GNA12: variants seen among roughly 807,000 people sequenced by gnomAD.
GNA12 encodes G protein subunit alpha 12.
In GNA12, 9 loss-of-function variants were observed where a neutral mutation model predicts 26.0. That is an observed-to-expected ratio of 0.35 (90% CI 0.21 to 0.60). The LOEUF (loss-of-function observed/expected upper bound fraction) is 0.60, where lower values mean the gene tolerates loss of function less well. Ranked by LOEUF, GNA12 falls within the 20% of genes least tolerant of loss-of-function variation. The probability of loss-of-function intolerance (pLI) is 0.78; values close to 1 mark genes in which losing one functional copy is unlikely to be tolerated. For missense variants in GNA12, 405 were observed against 525.8 expected (o/e 0.77, Z 2.25); for synonymous variants, 264 against 219.6 (o/e 1.20, Z -1.79).
chr7:2,812,162 T>C (rs1000144046), intron 1 of GNA12, among the ~76,000 whole-genome samples: 16 of 152,230 alleles, frequency 1.1e-4, no homozygotes, highest in Non-Finnish European at 5.9e-5. Context: ...TGTTACTAAT[T>C]CCATGAAAAA....
At chr7:2,833,225 C>T (rs1302737425) in intron 1 of GNA12, among the ~76,000 whole-genome samples, 4 of 152,186 alleles carry the variant, frequency 2.6e-5, no homozygotes, top group African/African-American at 9.7e-5. Flanking sequence ...GATGGCACTG[C>T]CCTTCAGGTG....
At chr7:2,818,279 C>T (rs1036292877) in intron 1 of GNA12, among the ~76,000 whole-genome samples, 3 of 152,158 alleles carry the variant, frequency 2.0e-5, no homozygotes, top group Admixed American at 6.5e-5. Flanking sequence ...TTTGGAGCGC[C>T]TCACACACTG....
intron 2 of GNA12, among the ~76,000 whole-genome samples, chr7:2,779,001 C>A (rs148949512): frequency 3.9e-5 from 6 of 152,246 alleles, no homozygotes; most frequent in African/African-American, 1.4e-4. Context: ...AATACATAAA[C>A]TTTATGGGAG....
chr7:2,742,287 A>C (rs1009311886), intron 2 of GNA12, among the ~76,000 whole-genome samples: 1 of 152,060 alleles, frequency 6.6e-6, no homozygotes, highest in African/African-American at 2.4e-5. Flanking sequence ...AAGTGCTGGG[A>C]TTACAGGTGT....
intron 1 of GNA12, among the ~76,000 whole-genome samples, chr7:2,838,501 T>C (rs1237096737): frequency 6.6e-6 from 1 of 152,120 alleles, no homozygotes; most frequent in Non-Finnish European, 1.5e-5. Context: ...GGAGGATGGT[T>C]TGGGTCCAGG....
intron 1 of GNA12, among the ~76,000 whole-genome samples, chr7:2,818,953 C>T (rs968688652): frequency 2.6e-5 from 4 of 152,102 alleles, no homozygotes; most frequent in Non-Finnish European, 5.9e-5. Flanking sequence ...CTAAAGATGG[C>T]CGGGGGTATT....
chr7:2,842,082 C>CGGGAA (rs1779006955), intron 1 of GNA12, among the ~76,000 whole-genome samples: 1 of 71,792 alleles, frequency 1.4e-5, no homozygotes, highest in African/African-American at 4.7e-5. Flanking sequence ...AAAAGGAAGG[C>CGGGAA]GGGAAGGAAA....
At chr7:2,758,075 A>G (rs1318024690) in intron 2 of GNA12, among the ~76,000 whole-genome samples, 5 of 152,338 alleles carry the variant, frequency 3.3e-5, no homozygotes, top group Middle Eastern at 3.4e-3. Context: ...CAAAACCAAC[A>G]GGATGAGTCA....
chr7:2,766,037 C>T lies in GNA12; in HGVS notation c.525+28891G>A, dbSNP rs551675134. On this transcript the variant is annotated intron_variant, in intron 2 of 3. Coordinates refer to ENST00000275364, the MANE Select transcript of GNA12 (RefSeq NM_007353.3). ...AAATGCACAGTTCAGTGGTGTTAAG[C>T]ATATTAACGTTGTTGTGAAACCGAT... Among the ~76,000 whole-genome samples, 25 of 152,310 alleles carry T rather than the reference C, an allele frequency of 1.6e-4. No individual in the cohort carries two copies. In the South Asian group the frequency reaches 4.6e-3, roughly 28 times the overall value.
chr7:2,736,058 C>T (rs74452570), intron 2 of GNA12, among the ~76,000 whole-genome samples: 200 of 152,304 alleles, frequency 1.3e-3, no homozygotes, highest in Non-Finnish European at 2.2e-3. Context: ...TCGTTTGCGA[C>T]GGACTCCTCA....
intron 2 of GNA12, among the ~76,000 whole-genome samples, chr7:2,751,566 G>T (rs1367524474): frequency 6.6e-6 from 1 of 151,982 alleles, no homozygotes; most frequent in Non-Finnish European, 1.5e-5. Context: ...TTTTGCAATA[G>T]AAACAATTAA....
chr7:2,815,693 T>C (rs1013576060), intron 1 of GNA12, among the ~76,000 whole-genome samples: 1 of 152,130 alleles, frequency 6.6e-6, no homozygotes. Context: ...TGACCCAGCG[T>C]GGTGCTCCCT....
chr7:2,735,780 T>C (rs1325062189), intron 2 of GNA12, among the ~76,000 whole-genome samples: 1 of 152,188 alleles, frequency 6.6e-6, no homozygotes, highest in Non-Finnish European at 1.5e-5. Flanking sequence ...AAATCTAGTT[T>C]CATGTCAGGG....
At chr7:2,798,830 C>A (rs1179578226) in intron 1 of GNA12, among the ~76,000 whole-genome samples, 1 of 152,050 alleles carries the variant, frequency 6.6e-6, no homozygotes, top group African/African-American at 2.4e-5. Flanking sequence ...AACAGAGAAC[C>A]CAGGGATAGC....
chr7:2,813,144 C>T (rs927443411), intron 1 of GNA12, among the ~76,000 whole-genome samples: 2 of 152,180 alleles, frequency 1.3e-5, no homozygotes, highest in African/African-American at 2.4e-5. Flanking sequence ...TGGTCTTGAA[C>T]TCCTGGCCTC....
chr7:2,728,193 T>C lies in GNA12; in HGVS notation c.*2988A>G, dbSNP rs1398431971. The C allele has an allele frequency of 1.3e-5, 2 of 152,454 alleles. 1 individual carries two copies. Among genetic ancestry groups the C allele is most frequent in the South Asian group, 4.1e-4 (2 of 4,828 alleles). 9.4% of individuals were successfully genotyped at this position (152,454 alleles called of 1,614,324 possible). On this transcript the variant is annotated 3_prime_UTR_variant, in exon 4 of 4. Transcript: ENST00000275364. ...AAATTTTCAAGCCAGACCCTCCCAA[T>C]GTTAATACACTGTGCAAAGCTTACA...
intron 2 of GNA12, chr7:2,762,796 A>G (rs1327905243): frequency 5.2e-6 from 8 of 1,536,862 alleles, no homozygotes; most frequent in African/African-American, 1.4e-5. Context: ...AGGGAGGAGG[A>G]GCACTCAGGG....
intron 1 of GNA12, among the ~76,000 whole-genome samples, chr7:2,821,062 T>A (rs150027575): frequency 6.6e-6 from 1 of 152,364 alleles, no homozygotes; most frequent in Non-Finnish European, 1.5e-5. Flanking sequence ...TTCATCAACA[T>A]GGACAAAACT....
At chr7:2,797,341 ACTATATTG>A in intron 1 of GNA12, among the ~76,000 whole-genome samples, 1 of 152,086 alleles carries the variant, frequency 6.6e-6, no homozygotes. Flanking sequence ...TCAGGGTCTC[ACTATATTG>A]CCCAGGCTAG....
Sources: gnomAD v4.1 joint callset for allele counts (sites outside exome capture counted in the v4.1 genomes callset) on GRCh38, gnomAD v4.1.1 for gene constraint, MANE v1.5 for transcripts, NCBI Gene and HGNC (gene_info 2026-07-23, HGNC 2026-07-21) for gene names.